Variants in IL1RAPL1 observed in about 807,000 individuals in gnomAD.
IL1RAPL1 encodes the protein interleukin-1 receptor accessory protein-like 1.
A neutral mutation model predicts 48.4 loss-of-function variants in IL1RAPL1; 3 were observed. That is an observed-to-expected ratio of 0.06 (90% CI 0.03 to 0.16). IL1RAPL1 has a LOEUF of 0.16. Among genes scored for constraint, IL1RAPL1 ranks in the 10% least tolerant of loss-of-function variants. IL1RAPL1 has a pLI of 1.00. For missense variants in IL1RAPL1, 349 were observed against 530.6 expected (o/e 0.66, Z 3.36); for synonymous variants, 185 against 187.7 (o/e 0.99, Z 0.12).
chrX:29,418,033 G>A (rs1934238373), intron 5 of IL1RAPL1, among the ~76,000 whole-genome samples: 1 of 100,034 alleles, frequency 1.0e-5, no homozygotes, highest in Non-Finnish European at 2.0e-5. Context: ...ATTGAGGCTT[G>A]TGCTGTCAAT....
chrX:29,944,465 C>A (rs1933183248), intron 9 of IL1RAPL1, among the ~76,000 whole-genome samples: 1 of 111,737 alleles, frequency 8.9e-6, no homozygotes, highest in African/African-American at 3.3e-5. Context: ...TATATCTTAA[C>A]AAAAGTTAGA....
intron 2 of IL1RAPL1, among the ~76,000 whole-genome samples, chrX:29,173,999 C>T (rs1185206957): frequency 1.8e-5 from 2 of 110,200 alleles, no homozygotes; most frequent in Non-Finnish European, 3.8e-5. Flanking sequence ...CGGCTCACTA[C>T]ACCCTCCACC....
chrX:29,752,917 A>G (rs769058706), intron 6 of IL1RAPL1, among the ~76,000 whole-genome samples: 43 of 112,209 alleles, frequency 3.8e-4, no homozygotes, highest in Non-Finnish European at 7.0e-4. Flanking sequence ...CATAATAAAA[A>G]CTATCAATGT....
chrX:29,283,896 C>A (rs1275651412), intron 3 of IL1RAPL1, among the ~76,000 whole-genome samples: 2 of 112,674 alleles, frequency 1.8e-5, no homozygotes, highest in Non-Finnish European at 3.8e-5. Context: ...TGCATTGAAG[C>A]AATGCCCATG....
intron 5 of IL1RAPL1, among the ~76,000 whole-genome samples, chrX:29,522,442 T>C (rs1405527627): frequency 2.7e-5 from 3 of 111,897 alleles, no homozygotes; most frequent in Non-Finnish European, 5.6e-5. Flanking sequence ...ATTACAGGTT[T>C]GAGCCACTGT....
intron 2 of IL1RAPL1, among the ~76,000 whole-genome samples, chrX:29,104,578 C>T (rs1928410649): frequency 9.0e-6 from 1 of 110,698 alleles, no homozygotes; most frequent in Non-Finnish European, 1.9e-5. Flanking sequence ...GCTGACTACA[C>T]TAAGCAATAA....
intron 1 of IL1RAPL1, among the ~76,000 whole-genome samples, chrX:28,681,089 C>G (rs1482097084): frequency 9.0e-6 from 1 of 111,412 alleles, no homozygotes; most frequent in Non-Finnish European, 1.9e-5. Flanking sequence ...ATTGAATCTC[C>G]TTATTTGTTA....
chrX:29,464,514 A>G (rs1934840119), intron 5 of IL1RAPL1, among the ~76,000 whole-genome samples: 1 of 112,442 alleles, frequency 8.9e-6, no homozygotes, highest in Admixed American at 9.4e-5. Flanking sequence ...TACTTTTCCA[A>G]ACTTCTTTAC....
At chrX:29,411,063 T>A (rs952513581) in intron 5 of IL1RAPL1, among the ~76,000 whole-genome samples, 1 of 110,972 alleles carries the variant, frequency 9.0e-6, no homozygotes, top group African/African-American at 3.3e-5. Context: ...AGACAGCATT[T>A]AAAAAATAAA....
intron 6 of IL1RAPL1, among the ~76,000 whole-genome samples, chrX:29,889,056 G>GA (rs1248744437): frequency 9.0e-6 from 1 of 111,677 alleles, no homozygotes; most frequent in African/African-American, 3.2e-5. Context: ...AATTGTAAAA[G>GA]AAAAATGCTT....
chrX:29,639,185 C>CAAA (rs57219766), intron 5 of IL1RAPL1, among the ~76,000 whole-genome samples: 576 of 53,259 alleles, frequency 0.011, 7 homozygotes, highest in African/African-American at 0.032. Flanking sequence ...GACTCCGTCT[C>CAAA]AAAAAAAAAA....
At chrX:29,302,973 G>A (rs767226420) in intron 3 of IL1RAPL1, among the ~76,000 whole-genome samples, 5 of 112,277 alleles carry the variant, frequency 4.5e-5, no homozygotes, top group Admixed American at 1.9e-4. Flanking sequence ...CATACTCTCA[G>A]AGTTATACCC....
At chrX:29,281,215 T>C (rs1932197183) in intron 2 of IL1RAPL1, among the ~76,000 whole-genome samples, 1 of 111,544 alleles carries the variant, frequency 9.0e-6, no homozygotes, top group Non-Finnish European at 1.9e-5. Context: ...TCAAATGTTA[T>C]TACTGTCAGA....
At chrX:29,605,043 C>A (rs1297985137) in intron 5 of IL1RAPL1, among the ~76,000 whole-genome samples, 3 of 94,730 alleles carry the variant, frequency 3.2e-5, no homozygotes, top group Non-Finnish European at 6.2e-5. Flanking sequence ...TTGGGAGATG[C>A]TTCTGTGCTA....
chrX:28,840,427 A>G (rs932035214), intron 2 of IL1RAPL1, among the ~76,000 whole-genome samples: 1 of 110,502 alleles, frequency 9.0e-6, no homozygotes, highest in African/African-American at 3.3e-5. Context: ...TAGTAGGTGC[A>G]TATATTTATG....
At position 29,955,091 on chromosome X, in the gene IL1RAPL1, A is replaced by G; in HGVS notation, c.1373-11A>G. The G allele has an allele frequency of 8.4e-7, 1 of 1,195,490 alleles. No individual in the cohort carries two copies. The highest frequency in any genetic ancestry group is 3.0e-5 in the East Asian group (1 of 33,786). ...TTCACTCATTTTGATGCACTCTTTT[A>G]TCTTTTGTAGCATACATTGAAGATG... On this transcript the variant is annotated splice_polypyrimidine_tract_variant and intron_variant, in intron 10 of 10. Transcript: ENST00000378993.
chrX:29,816,083 G>A (rs1173116518), intron 6 of IL1RAPL1, among the ~76,000 whole-genome samples: 2 of 111,117 alleles, frequency 1.8e-5, no homozygotes, highest in Admixed American at 9.6e-5. Flanking sequence ...CATAGCAGAA[G>A]TGAACAAGAT....
chrX:29,503,008 A>G (rs1267466780), intron 5 of IL1RAPL1, among the ~76,000 whole-genome samples: 2 of 111,330 alleles, frequency 1.8e-5, no homozygotes, highest in African/African-American at 3.3e-5. Context: ...CTATTTCTTC[A>G]TAGTTCAATA....
intron 5 of IL1RAPL1, among the ~76,000 whole-genome samples, chrX:29,667,724 C>T (rs986607151): frequency 2.2e-4 from 25 of 111,745 alleles, no homozygotes; most frequent in African/African-American, 6.2e-4. Flanking sequence ...TTGAAGTTGA[C>T]GAGAGCACAG....
Sources: allele counts gnomAD v4.1 joint callset (sites outside exome capture counted in the v4.1 genomes callset), GRCh38; gene constraint gnomAD v4.1.1; transcripts MANE v1.5; gene names NCBI Gene and HGNC (gene_info 2026-07-23, HGNC 2026-07-21).